Variants in KCNG2 observed in about 807,000 individuals in gnomAD.
KCNG2 encodes the protein potassium voltage-gated channel modifier subfamily G member 2, also known as voltage-gated potassium channel regulatory subunit KCNG2.
In KCNG2, 7 loss-of-function variants were observed where a neutral mutation model predicts 12.3. The observed-to-expected ratio is 0.57, with a 90% CI of 0.32 to 1.07. The LOEUF (loss-of-function observed/expected upper bound fraction) is 1.07, where lower values mean the gene tolerates loss of function less well. Ranked by LOEUF, KCNG2 falls within the 50% of genes least tolerant of loss-of-function variation. KCNG2 has a pLI of 0.04. For synonymous variants in KCNG2, 414 were observed against 351.4 expected (o/e 1.18, Z -1.99); for missense variants, 703 against 726.0 (o/e 0.97, Z 0.36).
In KCNG2 at chr18:79,899,504, C is replaced by T; in HGVS notation, c.1089C>T (p.Ala363=). Residue 363 remains alanine, a synonymous_variant, in exon 4 of 4, where the codon GCC becomes GCT. Transcript: ENST00000316249. ...FSSVPASYWW[A]VISMTTVGYG... ...GCGTGCCCGCCAGCTATTGGTGGGC[C>T]GTCATCTCCATGACCACCGTGGGCT... The T allele has an allele frequency of 1.9e-6, 3 of 1,607,786 alleles. No individual in the cohort carries two copies. Among genetic ancestry groups the T allele is most frequent in the South Asian group, 2.2e-5 (2 of 90,106 alleles).
rs560817495 is a variant in KCNG2 at position 79,803,625 on chromosome 18, T to A, written c.-115+5611T>A. ...GAGAACCTGCAGGGCTGGCCGTGAT[T>A]CTCACCACTTGTGGTCCAAGGCTTC... On this transcript the variant is annotated intron_variant, in intron 1 of 3. Transcript: ENST00000316249. The surrounding 1 kb of genome is among the most constrained non-coding windows in gnomAD (Gnocchi z 4.5). 2.8e-4 allele frequency among the ~76,000 whole-genome samples: 43 copies of A among 152,260 alleles called. No homozygotes were observed. In the South Asian group the frequency reaches 7.5e-3, roughly 26 times the overall value.
In KCNG2 at chr18:79,864,288, G is replaced by T; in HGVS notation, c.621G>T (p.Glu207Asp). Residue 207 changes from glutamate to aspartate, a missense_variant, in exon 3 of 4, where the codon GAG becomes GAT. Physicochemically the swap from Glu to Asp is conservative, Grantham distance 45 (BLOSUM62 2). Coordinates refer to ENST00000316249, the MANE Select transcript of KCNG2 (RefSeq NM_012283.2). ...STMPDIRAEE[E>D]RGECSPKCRS... Reference sequence around the variant, plus strand: ...TGCCGGACATCCGCGCCGAGGAGGAGCGGGTGAGCGCGGCCGGGGGTGGCG... The same window carrying T: ...TGCCGGACATCCGCGCCGAGGAGGATCGGGTGAGCGCGGCCGGGGGTGGCG... 6.5e-7 allele frequency: 1 copy of T among 1,532,606 alleles called. No individual in the cohort carries two copies. Among genetic ancestry groups the T allele is most frequent in the East Asian group, 2.7e-5 (1 of 36,420 alleles). 94.9% of individuals were successfully genotyped at this position (1,532,606 alleles called of 1,614,324 possible).
chr18:79,857,064 G>GCCCCCCCCACAGCTGCCC (rs147399550), intron 2 of KCNG2, among the ~76,000 whole-genome samples: 1 of 55,232 alleles, frequency 1.8e-5, no homozygotes, highest in South Asian at 6.2e-4. Context: ...CCCCACAGCC[G>GCCCCCCCCACAGCTGCCC]CCCCCACAGC....
chr18:79,875,656 G>A (rs938475347), intron 3 of KCNG2, among the ~76,000 whole-genome samples: 3 of 152,218 alleles, frequency 2.0e-5, no homozygotes, highest in Non-Finnish European at 2.9e-5. Context: ...ACCCTGGCAC[G>A]GGGTTGGGGA....
At chr18:79,820,574 G>A (rs73484388) in intron 1 of KCNG2, among the ~76,000 whole-genome samples, 2,806 of 152,294 alleles carry the variant, frequency 0.018, 89 homozygotes, top group African/African-American at 0.065. Flanking sequence ...TGCCGGGCAT[G>A]TGTGCATCTT....
rs1241475832 is a variant in KCNG2, at chr18:79,833,566, T to A, written c.-114-22813T>A. ...AAGTAAGAAATCAGAAAGTATAAGT[T>A]CATAGAACAAAACCTGCAAGTTTAT... On this transcript the variant is annotated intron_variant, in intron 1 of 3. Coordinates refer to ENST00000316249, the MANE Select transcript of KCNG2 (RefSeq NM_012283.2). 2.0e-5 allele frequency among the ~76,000 whole-genome samples: 3 copies of A among 152,340 alleles called. No individual in the cohort carries two copies. The East Asian group carries it at 5.8e-4, about 29-fold the overall frequency.
At chr18:79,893,163 T>A (rs563612850) in intron 3 of KCNG2, among the ~76,000 whole-genome samples, 2 of 152,296 alleles carry the variant, frequency 1.3e-5, no homozygotes, top group African/African-American at 4.8e-5. Flanking sequence ...ATGTTATGAT[T>A]GATATAGTTG....
rs1981164518 is a variant in KCNG2, at chr18:79,900,039, C to T, written c.*223C>T. On this transcript the variant is annotated 3_prime_UTR_variant, in exon 4 of 4. Transcript: ENST00000316249. ...CTGGCCTTTGTCCTCCTGCCCCACC[C>T]CTTTCCTTGGATTTTTAATTTTCTA... 2 of 372,410 alleles carry T rather than the reference C, an allele frequency of 5.4e-6. No individual in the cohort carries two copies. The highest frequency in any genetic ancestry group is 8.1e-5 in the East Asian group (2 of 24,732). The allele number at this position is 372,410 out of a possible 1,614,324, so 23.1% of individuals were successfully genotyped here.
rs763626525 is a variant in KCNG2, at chr18:79,864,004, G to A, written c.337G>A (p.Ala113Thr). 30 of 1,191,316 alleles carry A rather than the reference G, an allele frequency of 2.5e-5. No homozygotes were observed. The African/African-American group carries it at 4.7e-4, about 19-fold the overall frequency. The allele number at this position is 1,191,316 out of a possible 1,614,324, so 73.8% of individuals were successfully genotyped here. ...GCTGGCCTACTGGGGCATCGACGAGGCGCGCCTGGAGCGCTGCTGCCTGCG... is the reference window on the plus strand; with the variant it reads ...GCTGGCCTACTGGGGCATCGACGAGACGCGCCTGGAGCGCTGCTGCCTGCG... ...DELAYWGIDE[A>T]RLERCCLRRL... The change falls in exon 3 of 4, where the codon GCG (alanine) becomes ACG (threonine). Residue 113 changes from alanine to threonine, a missense_variant. Ala to Thr is a moderately conservative substitution (Grantham distance 58). Transcript: ENST00000316249.
intron 1 of KCNG2, among the ~76,000 whole-genome samples, chr18:79,839,518 G>C (rs183796161): frequency 2.0e-5 from 3 of 152,260 alleles, no homozygotes; most frequent in Non-Finnish European, 4.4e-5. Context: ...AATTCACCCA[G>C]TGTGAAATAG....
intron 3 of KCNG2, among the ~76,000 whole-genome samples, chr18:79,868,196 A>T (rs1022173945): frequency 2.0e-5 from 3 of 152,208 alleles, no homozygotes; most frequent in Admixed American, 2.0e-4. Context: ...CCTAACCCTT[A>T]CTGTGGACCC....
intron 3 of KCNG2, among the ~76,000 whole-genome samples, chr18:79,873,711 G>A (rs983077578): frequency 6.6e-6 from 1 of 152,190 alleles, no homozygotes; most frequent in African/African-American, 2.4e-5. Flanking sequence ...TGGAAAGCAG[G>A]AGTCTGGGAG....
chr18:79,843,388 TG>T (rs1219840314), intron 1 of KCNG2, among the ~76,000 whole-genome samples: 1 of 152,088 alleles, frequency 6.6e-6, no homozygotes, highest in Non-Finnish European at 1.5e-5. Flanking sequence ...ACTAATAGCA[TG>T]AAAAAATATT....
chr18:79,818,546 T>C (rs1340518316), intron 1 of KCNG2, among the ~76,000 whole-genome samples: 1 of 152,212 alleles, frequency 6.6e-6, no homozygotes, highest in African/African-American at 2.4e-5. Flanking sequence ...TTTTTAGAAG[T>C]CTGTCACAGT....
At chr18:79,832,135 A>T (rs1439075102) in intron 1 of KCNG2, among the ~76,000 whole-genome samples, 2 of 152,222 alleles carry the variant, frequency 1.3e-5, no homozygotes, top group Non-Finnish European at 2.9e-5. Flanking sequence ...CGCTGCTCAT[A>T]GCTTGCCCGT....
Position 79,852,332 on chromosome 18 carries a change from C to T in KCNG2, c.-114-4047C>T, listed in dbSNP as rs111238569. 4.8e-3 allele frequency among the ~76,000 whole-genome samples: 738 copies of T among 152,374 alleles called. 9 individuals carry two copies. The highest frequency in any genetic ancestry group is 0.017 in the African/African-American group (698 of 41,582). On this transcript the variant is annotated intron_variant, in intron 1 of 3. Transcript: ENST00000316249. Reference sequence around the variant, plus strand: ...TCCAGCAGCGCAAACGATGCCTGCTCTGAACAGTTCAACCCCATGAGGAAC... The same window carrying T: ...TCCAGCAGCGCAAACGATGCCTGCTTTGAACAGTTCAACCCCATGAGGAAC...
At position 79,863,702 on chromosome 18, in the gene KCNG2, G is replaced by GCGT. The variant is rs1269991912; in HGVS notation, c.37_38insTCG (p.Gly12_Gly13insVal). The GCGT allele has an allele frequency of 8.3e-7, 1 of 1,206,088 alleles. No homozygotes were observed. Among genetic ancestry groups the GCGT allele is most frequent in the South Asian group, 4.1e-5 (1 of 24,392 alleles). 74.7% of individuals were successfully genotyped at this position (1,206,088 alleles called of 1,614,324 possible). A position where few individuals can be genotyped will look rare whatever the true frequency, so the allele number is the denominator to read the frequency against. On this transcript the variant is annotated inframe_insertion, in exon 3 of 4. Transcript: ENST00000316249. ...TGGCCCTGCTCCCCGGGCGGCGGCGGCGGGACCCGCGCCCGGCACGTCATC... is the reference window on the plus strand; with the variant it reads ...TGGCCCTGCTCCCCGGGCGGCGGCGGCGTCGGGACCCGCGCCCGGCACGTCATC...
chr18:79,823,353 C>T (rs2087586563), intron 1 of KCNG2, among the ~76,000 whole-genome samples: 2 of 152,154 alleles, frequency 1.3e-5, no homozygotes, highest in African/African-American at 4.8e-5. Flanking sequence ...AGGGTTGACT[C>T]CCAGAATTGG....
chr18:79,819,492 A>C (rs1305774865), intron 1 of KCNG2, among the ~76,000 whole-genome samples: 1 of 152,212 alleles, frequency 6.6e-6, no homozygotes, highest in Non-Finnish European at 1.5e-5. Flanking sequence ...GAAGGCATGC[A>C]GCTGGCACTC....
Sources: allele counts gnomAD v4.1 joint callset (sites outside exome capture counted in the v4.1 genomes callset), GRCh38; gene constraint gnomAD v4.1.1; non-coding constraint Gnocchi (gnomAD v3.1); transcripts MANE v1.5; gene names NCBI Gene and HGNC (gene_info 2026-07-23, HGNC 2026-07-21).